Variants in GCH1 observed in about 807,000 individuals in gnomAD.
GCH1 encodes GTP cyclohydrolase I.
A neutral mutation model predicts 25.9 loss-of-function variants in GCH1; 5 were observed. The observed-to-expected ratio is 0.19, with a 90% CI of 0.10 to 0.41. The LOEUF is 0.41. Among genes scored for constraint, GCH1 ranks in the 10% least tolerant of loss-of-function variants. GCH1 has a pLI of 1.00. For missense variants in GCH1, 261 were observed against 336.5 expected (o/e 0.78, Z 1.75); for synonymous variants, 159 against 129.6 (o/e 1.23, Z -1.54).
intron 1 of GCH1, among the ~76,000 whole-genome samples, chr14:54,897,520 C>T (rs2040505290): frequency 6.6e-6 from 1 of 151,102 alleles, no homozygotes; most frequent in East Asian, 1.9e-4. Context: ...AACTCCCAAC[C>T]TCAGGTGATC....
At chr14:54,857,832 C>G (rs2039835247) in intron 3 of GCH1, among the ~76,000 whole-genome samples, 1 of 152,202 alleles carries the variant, frequency 6.6e-6, no homozygotes, top group South Asian at 2.1e-4. Context: ...TTCTCAGCAA[C>G]TTTTCAGCAC....
chr14:54,843,988 G>T lies in GCH1; in HGVS notation c.*29C>A. 1 of 1,614,168 alleles carries T rather than the reference G, an allele frequency of 6.2e-7. No homozygotes were observed. Among genetic ancestry groups the T allele is most frequent in the Non-Finnish European group, 8.5e-7 (1 of 1,180,022 alleles). ...GACAATGCTACTGGCAGTACGATCG[G>T]CAACCAACGCACACACACTGAATGA... On this transcript the variant is annotated 3_prime_UTR_variant, in exon 6 of 6. Transcript: ENST00000491895.
chr14:54,867,612 A>AAAG (rs2040007540), intron 1 of GCH1, among the ~76,000 whole-genome samples: 1 of 150,896 alleles, frequency 6.6e-6, no homozygotes, highest in Admixed American at 6.6e-5. Context: ...AAAAAAAAAA[A>AAAG]AAGATCTGGC....
At chr14:54,887,506 G>A (rs2040368794) in intron 1 of GCH1, among the ~76,000 whole-genome samples, 1 of 152,226 alleles carries the variant, frequency 6.6e-6, no homozygotes, top group South Asian at 2.1e-4. Context: ...GCAGGGGTTG[G>A]GGGCGGTAGG....
At chr14:54,883,242 C>A (rs139734102) in intron 1 of GCH1, among the ~76,000 whole-genome samples, 1 of 151,334 alleles carries the variant, frequency 6.6e-6, no homozygotes, top group Non-Finnish European at 1.5e-5. Context: ...CACGGTGGCG[C>A]GTGCCTGTAA....
intron 1 of GCH1, among the ~76,000 whole-genome samples, chr14:54,877,808 T>G (rs1355330756): frequency 2.0e-5 from 3 of 152,134 alleles, no homozygotes; most frequent in Non-Finnish European, 4.4e-5. Context: ...AAGTGCTTAT[T>G]TAAGCATACT....
At chr14:54,868,271 G>C (rs1206511319) in intron 1 of GCH1, among the ~76,000 whole-genome samples, 1 of 151,912 alleles carries the variant, frequency 6.6e-6, no homozygotes, top group African/African-American at 2.4e-5. Flanking sequence ...AAAAAAATTA[G>C]CCAGGCACGG....
intron 3 of GCH1, among the ~76,000 whole-genome samples, chr14:54,852,685 T>C (rs866390416): frequency 5.3e-5 from 8 of 152,218 alleles, no homozygotes; most frequent in Admixed American, 2.0e-4. Flanking sequence ...TCCAGGACTG[T>C]TATATGCCAC....
chr14:54,892,618 G>C (rs1002196011), intron 1 of GCH1, among the ~76,000 whole-genome samples: 1 of 151,756 alleles, frequency 6.6e-6, no homozygotes, highest in African/African-American at 2.4e-5. Flanking sequence ...GAACCCAGGG[G>C]ACAGAGGTTG....
At chr14:54,875,983 C>A (rs2040153679) in intron 1 of GCH1, among the ~76,000 whole-genome samples, 1 of 152,106 alleles carries the variant, frequency 6.6e-6, no homozygotes, top group South Asian at 2.1e-4. Flanking sequence ...TTGACCCAGC[C>A]ATCCCATTAT....
At chr14:54,874,031 G>C (rs886508895) in intron 1 of GCH1, among the ~76,000 whole-genome samples, 14 of 152,176 alleles carry the variant, frequency 9.2e-5, no homozygotes, top group African/African-American at 2.9e-4. Flanking sequence ...GTCTGGCAGA[G>C]ACACAACAAA....
intron 1 of GCH1, among the ~76,000 whole-genome samples, chr14:54,882,702 C>G (rs1352939350): frequency 6.6e-6 from 1 of 152,082 alleles, no homozygotes; most frequent in African/African-American, 2.4e-5. Context: ...ATTAAACTAT[C>G]CATTTGCTTC....
chr14:54,844,179 T>A (rs1251730120), intron 5 of GCH1, 36 bp from the exon 6 acceptor site: 1 of 1,426,270 alleles, frequency 7.0e-7, no homozygotes, highest in Non-Finnish European at 9.9e-7. Context: ...TTTAAAGGAG[T>A]AGACAGCTGC....
chr14:54,868,243 A>G (rs1209242202), intron 1 of GCH1, among the ~76,000 whole-genome samples: 1 of 151,934 alleles, frequency 6.6e-6, no homozygotes, highest in East Asian at 1.9e-4. Context: ...GCAATATCCC[A>G]TCTCCACAAA....
chr14:54,886,863 G>A (rs916176341), intron 1 of GCH1, among the ~76,000 whole-genome samples: 19 of 152,316 alleles, frequency 1.2e-4, no homozygotes, highest in African/African-American at 3.8e-4. Flanking sequence ...ATTGTAGGTT[G>A]AAGTCTGCCA....
Position 54,902,808 on chromosome 14 carries a change from C to A in GCH1, c.-145G>T. The A allele has an allele frequency of 1.8e-6, 2 of 1,094,780 alleles. No homozygotes were observed. The highest frequency in any genetic ancestry group is 3.3e-4 in the Middle Eastern group (1 of 3,058). The allele number at this position is 1,094,780 out of a possible 1,614,324, so 67.8% of individuals were successfully genotyped here. On this transcript the variant is annotated 5_prime_UTR_variant, in exon 1 of 6. Coordinates refer to ENST00000491895, the MANE Select transcript of GCH1 (RefSeq NM_000161.3). ...CAACCTGCTTAGATCACACTCCGAGCCGGGAGCGGCCACAGGCTGGAAAGC... is the reference window on the plus strand; with the variant it reads ...CAACCTGCTTAGATCACACTCCGAGACGGGAGCGGCCACAGGCTGGAAAGC...
intron 1 of GCH1, among the ~76,000 whole-genome samples, chr14:54,880,673 T>C (rs1595007904): frequency 2.0e-4 from 1 of 5,118 alleles, no homozygotes; most frequent in Non-Finnish European, 4.3e-4. Flanking sequence ...TATATATATA[T>C]ACTCCATATA....
At chr14:54,861,721 CA>C (rs67311353) in intron 2 of GCH1, among the ~76,000 whole-genome samples, 24,094 of 133,258 alleles carry the variant, frequency 0.18, 2,747 homozygotes, top group African/African-American at 0.34. Flanking sequence ...GAAACTGTCT[CA>C]AAAAAAAAAA....
At chr14:54,863,538 G>A (rs8010689) in intron 2 of GCH1, among the ~76,000 whole-genome samples, 23,596 of 102,214 alleles carry the variant, frequency 0.23, 3,062 homozygotes, top group African/African-American at 0.43. Context: ...ACAATACAAA[G>A]GTCCACCAAG....
Sources: allele counts gnomAD v4.1 joint callset (sites outside exome capture counted in the v4.1 genomes callset), GRCh38; gene constraint gnomAD v4.1.1; transcripts MANE v1.5; gene names NCBI Gene and HGNC (gene_info 2026-07-23, HGNC 2026-07-21).